Variants in PLPPR1 observed in about 807,000 individuals in gnomAD.
The protein encoded by PLPPR1 is phospholipid phosphatase related 1.
Under a neutral mutation model 33.1 loss-of-function variants are expected in PLPPR1, and 10 were observed. The ratio of observed to expected loss-of-function variants is 0.30; its 90% CI spans 0.19 to 0.51. The LOEUF is 0.51. Among genes scored for constraint, PLPPR1 ranks in the 20% least tolerant of loss-of-function variants. PLPPR1 has a pLI of 0.97. For synonymous variants in PLPPR1, 151 were observed against 151.0 expected, an observed-to-expected ratio of 1.00 and a Z score of 0.00; for missense variants, 304 against 408.1, an observed-to-expected ratio of 0.74 and a Z score of 2.20.
At chr9:101,229,901 TC>T (rs1364663627) in intron 2 of PLPPR1, among the ~76,000 whole-genome samples, 1 of 152,174 alleles carries the variant, frequency 6.6e-6, no homozygotes. Flanking sequence ...AACGTGCACT[TC>T]CTCTTGTAAG....
At chr9:101,221,446 T>C (rs17763891) in intron 2 of PLPPR1, among the ~76,000 whole-genome samples, 3,250 of 152,326 alleles carry the variant, frequency 0.021, 41 homozygotes, top group Middle Eastern at 0.068. Context: ...TCCTATGGAA[T>C]GGCTGGAACC....
chr9:101,261,992 AAAAAAG>A (rs1212709501), intron 2 of PLPPR1, among the ~76,000 whole-genome samples: 1 of 152,170 alleles, frequency 6.6e-6, no homozygotes, highest in Non-Finnish European at 1.5e-5. Context: ...AAGTTAAAAA[AAAAAAG>A]ATATAGCTCT....
intron 1 of PLPPR1, among the ~76,000 whole-genome samples, chr9:101,176,575 G>A (rs866595062): frequency 1.3e-5 from 2 of 152,158 alleles, no homozygotes; most frequent in African/African-American, 4.8e-5. Context: ...CTCCACCAGG[G>A]TGGTATCAGT....
chr9:101,113,355 A>G (rs929841235), intron 1 of PLPPR1, among the ~76,000 whole-genome samples: 1 of 152,166 alleles, frequency 6.6e-6, no homozygotes, highest in Admixed American at 6.5e-5. Flanking sequence ...CCTTTATACT[A>G]TGTAAATACT....
At chr9:101,191,205 A>G (rs963048697) in intron 2 of PLPPR1, among the ~76,000 whole-genome samples, 14 of 152,194 alleles carry the variant, frequency 9.2e-5, no homozygotes, top group Non-Finnish European at 1.6e-4. Flanking sequence ...ATGCTGAGCC[A>G]GACAAAAGCT....
intron 2 of PLPPR1, among the ~76,000 whole-genome samples, chr9:101,204,754 G>A (rs940902531): frequency 1.1e-4 from 17 of 148,716 alleles, no homozygotes; most frequent in Admixed American, 9.1e-4. Context: ...AGACCTGCCA[G>A]TCAAATTCAA....
At chr9:101,284,481 C>A (rs1828355394) in intron 3 of PLPPR1, among the ~76,000 whole-genome samples, 2 of 152,206 alleles carry the variant, frequency 1.3e-5, no homozygotes, top group South Asian at 4.1e-4. Context: ...AAAATATATT[C>A]TTGAAAAATT....
At chr9:101,254,127 A>C (rs1827758577) in intron 2 of PLPPR1, among the ~76,000 whole-genome samples, 1 of 151,942 alleles carries the variant, frequency 6.6e-6, no homozygotes. Context: ...TGGTTTTAGG[A>C]TGATTCAAGC....
At chr9:101,088,562 T>TA (rs997437505) in intron 1 of PLPPR1, among the ~76,000 whole-genome samples, 1 of 151,938 alleles carries the variant, frequency 6.6e-6, no homozygotes, top group Non-Finnish European at 1.5e-5. Flanking sequence ...TCCTTTCTTT[T>TA]AAAAAAAATA....
chr9:101,120,737 C>G (rs1438272012), intron 1 of PLPPR1, among the ~76,000 whole-genome samples: 5 of 119,056 alleles, frequency 4.2e-5, no homozygotes. Context: ...GTTACTCAGC[C>G]ACACATCCCA....
chr9:101,256,384 A>G (rs1026103881), intron 2 of PLPPR1, among the ~76,000 whole-genome samples: 1 of 152,088 alleles, frequency 6.6e-6, no homozygotes, highest in Non-Finnish European at 1.5e-5. Context: ...TCTTTTAGAG[A>G]TATAGATGGT....
intron 1 of PLPPR1, among the ~76,000 whole-genome samples, chr9:101,057,928 G>C (rs1183267186): frequency 6.6e-6 from 1 of 152,100 alleles, no homozygotes; most frequent in African/African-American, 2.4e-5. Context: ...TTGGAGGTGA[G>C]GAGGAAGAGA....
chr9:101,272,817 T>G (rs1197204001), intron 3 of PLPPR1, among the ~76,000 whole-genome samples: 3 of 152,320 alleles, frequency 2.0e-5, no homozygotes, highest in East Asian at 3.9e-4. Context: ...TTCATGTAAT[T>G]CTAGTCAAAG....
intron 2 of PLPPR1, among the ~76,000 whole-genome samples, chr9:101,216,469 G>A (rs1318953964): frequency 1.3e-5 from 2 of 151,868 alleles, no homozygotes; most frequent in African/African-American, 2.4e-5. Flanking sequence ...ATTTTCTCCC[G>A]TTCTGAATGT....
At chr9:101,274,449 C>CATTGGTAGGAACCAGGGCTG (rs1297462630) in intron 3 of PLPPR1, among the ~76,000 whole-genome samples, 1 of 152,180 alleles carries the variant, frequency 6.6e-6, no homozygotes, top group Non-Finnish European at 1.5e-5. Context: ...AAATGAGGGG[C>CATTGGTAGGAACCAGGGCTG]ATTGGTAGGA....
At chr9:101,085,868 G>A (rs188892319) in intron 1 of PLPPR1, among the ~76,000 whole-genome samples, 12 of 152,032 alleles carry the variant, frequency 7.9e-5, no homozygotes, top group Admixed American at 5.2e-4. Context: ...GACCGGGGGG[G>A]GCTCTACTGT....
chr9:101,159,804 C>T (rs1432423898), intron 1 of PLPPR1, among the ~76,000 whole-genome samples: 1 of 152,178 alleles, frequency 6.6e-6, no homozygotes, highest in Admixed American at 6.5e-5. Context: ...GATAGGTACC[C>T]ACCTGGTTGA....
intron 1 of PLPPR1, among the ~76,000 whole-genome samples, chr9:101,111,181 T>C (rs1831051475): frequency 1.3e-5 from 2 of 152,158 alleles, no homozygotes; most frequent in African/African-American, 4.8e-5. Flanking sequence ...TTTTTATTTT[T>C]AAATCTATGT....
At position 101,249,925 on chromosome 9, in the gene PLPPR1, T is replaced by C. The variant is rs148813936; in HGVS notation, c.64-19955T>C. On this transcript the variant is annotated intron_variant, in intron 2 of 7. Transcript: ENST00000374874. Reference sequence around the variant, plus strand: ...GAGGGCTTATGTTTTCTGGAGATGATTGCTTTCCTTTCTCTACATTGTCGT... The same window carrying C: ...GAGGGCTTATGTTTTCTGGAGATGACTGCTTTCCTTTCTCTACATTGTCGT... Among the ~76,000 whole-genome samples, 5 of 152,162 alleles carry C rather than the reference T, an allele frequency of 3.3e-5. No homozygotes were observed. The East Asian group carries it at 7.7e-4, about 24-fold the overall frequency.
Sources: gnomAD v4.1 joint callset for allele counts (sites outside exome capture counted in the v4.1 genomes callset) on GRCh38, gnomAD v4.1.1 for gene constraint, MANE v1.5 for transcripts, NCBI Gene and HGNC (gene_info 2026-07-23, HGNC 2026-07-21) for gene names.